DENND6B: variants seen among roughly 807,000 people sequenced by gnomAD.
DENND6B encodes protein DENND6B.
DENND6B carries 73 observed loss-of-function variants against 85.1 expected under a neutral mutation model. The ratio of observed to expected loss-of-function variants is 0.86; its 90% CI spans 0.71 to 1.04. The LOEUF (loss-of-function observed/expected upper bound fraction) is 1.04. Among genes scored for constraint, DENND6B ranks in the 50% least tolerant of loss-of-function variants. DENND6B has a pLI of 0.00. For missense variants in DENND6B, 715 were observed against 785.8 expected, an observed-to-expected ratio of 0.91 and a Z score of 1.08; for synonymous variants, 357 against 329.3, an observed-to-expected ratio of 1.08 and a Z score of -0.91.
chr22:50,315,589 C>G, intron 9 of DENND6B, 125 bp downstream of exon 9: 2 of 1,176,370 alleles, frequency 1.7e-6, no homozygotes, highest in East Asian at 5.2e-5. Flanking sequence ...CACACGTGCA[C>G]ACGTGCACTC....
chr22:50,316,730 C>G (rs761246322), intron 5 of DENND6B: 1 of 1,420,316 alleles, frequency 7.0e-7, no homozygotes, highest in South Asian at 1.2e-5. Context: ...GGGAAACGCA[C>G]GGTGGCCAGA....
Position 50,314,194 on chromosome 22 carries a change from G to A in DENND6B, c.1138+13C>T. 2.5e-6 allele frequency: 4 copies of A among 1,598,314 alleles called. No individual in the cohort carries two copies. Among genetic ancestry groups the A allele is most frequent in the Non-Finnish European group, 3.4e-6 (4 of 1,175,312 alleles). ...CCACGGTGGAGGGGCTCCAGGTCGA[G>A]GGGAGCACAGACCTGGCTTGGTGTC... On this transcript the variant is annotated intron_variant, in intron 13 of 19. Coordinates refer to ENST00000413817, the MANE Select transcript of DENND6B (RefSeq NM_001001794.4).
chr22:50,326,724 G>A, intron 1 of DENND6B, 88 bp downstream of exon 1: 1 of 1,180,688 alleles, frequency 8.5e-7, no homozygotes, highest in Non-Finnish European at 1.1e-6. Flanking sequence ...GAGAGTGCGG[G>A]GCGGCCGAGG....
In DENND6B at chr22:50,315,650, G is replaced by A. The variant is rs114019182; in HGVS notation, c.758+64C>T. The A allele has an allele frequency of 6.8e-4, 1,034 of 1,513,850 alleles. 6 individuals carry two copies. The African/African-American group carries it at 0.01, about 15-fold the overall frequency. 93.8% of individuals were successfully genotyped at this position (1,513,850 alleles called of 1,614,324 possible). The stretch of plus-strand genomic sequence containing the variant: ...CTCACACACAGATGCACACATGCAC[G>A]TACATGCACGTGCACACACAGTGAG... On this transcript the variant is annotated intron_variant, in intron 9 of 19. Transcript: ENST00000413817.
chr22:50,317,242 C>G, intron 5 of DENND6B, 51 bp downstream of exon 5: 2 of 1,602,418 alleles, frequency 1.2e-6, no homozygotes, highest in Non-Finnish European at 1.7e-6. Context: ...CTGCTGCCTG[C>G]CAGCTCCTGC....
intron 1 of DENND6B, among the ~76,000 whole-genome samples, chr22:50,323,576 G>A (rs1601837967): frequency 6.6e-6 from 1 of 151,700 alleles, no homozygotes; most frequent in African/African-American, 2.4e-5. Context: ...ATGAAACACT[G>A]TGCCCGGCCT....
intron 1 of DENND6B, chr22:50,319,239 C>T: frequency 2.1e-6 from 3 of 1,457,286 alleles, no homozygotes; most frequent in East Asian, 5.1e-5. Context: ...ACACCACCTT[C>T]TCTGGCTGTG....
intron 15 of DENND6B, 39 bp from the exon 16 acceptor site, chr22:50,313,538 T>A: frequency 6.5e-7 from 1 of 1,526,740 alleles, no homozygotes. Context: ...CGGGGACCCA[T>A]GCCCCCCAGC....
intron 4 of DENND6B, 140 bp from the exon 5 acceptor site, chr22:50,317,513 G>A (rs950333847): frequency 4.9e-5 from 47 of 949,806 alleles, no homozygotes; most frequent in Admixed American, 6.1e-5. Flanking sequence ...GCTGCTGTCC[G>A]TGCACTCTGG....
At chr22:50,314,015 C>T (rs2041691675) in intron 13 of DENND6B, 137 bp from the exon 14 acceptor site, 2 of 1,315,088 alleles carry the variant, frequency 1.5e-6, no homozygotes, top group Non-Finnish European at 2.0e-6. Context: ...AAATCTCACC[C>T]ACCCACCCCC....
chr22:50,325,599 T>A (rs1292871116), intron 1 of DENND6B, among the ~76,000 whole-genome samples: 1 of 152,124 alleles, frequency 6.6e-6, no homozygotes, highest in Non-Finnish European at 1.5e-5. Flanking sequence ...CCTCTCAAAG[T>A]GCTGGGATTA....
chr22:50,316,401 G>T lies in DENND6B; in HGVS notation c.528C>A (p.Tyr176Ter). The change falls in exon 6 of 20, where the codon TAC (tyrosine) becomes TAA (stop). Residue 176 changes from tyrosine (Y) to a stop codon, truncating the protein, a stop_gained. Transcript: ENST00000413817. LOFTEE classifies it high-confidence loss of function. Reference protein sequence around the residue: ...QALLSLIAPEYFDKLAPCLEA... With the variant: ...QALLSLIAPE ...CCAGGCAGGGCGCCAGCTTGTCAAA[G>T]TACTCGGGGGCGATGAGGCTTAGCA... is the stretch of plus-strand genomic sequence containing the variant. 1 of 1,584,576 alleles carries T rather than the reference G, an allele frequency of 6.3e-7. No homozygotes were observed.
intron 4 of DENND6B, 135 bp from the exon 5 acceptor site, chr22:50,317,508 T>C: frequency 9.9e-7 from 1 of 1,006,488 alleles, no homozygotes; most frequent in South Asian, 1.4e-5. Context: ...CTGGAGCTGC[T>C]GTCCGTGCAC....
In DENND6B at chr22:50,318,982, G is replaced by A. The variant is rs570566670; in HGVS notation, c.199C>T (p.Arg67Trp). 49 of 1,604,150 alleles carry A rather than the reference G, an allele frequency of 3.1e-5. No homozygotes were observed. In the Middle Eastern group the frequency reaches 8.3e-4, roughly 27 times the overall value. The change falls in exon 2 of 20, where the codon CGG becomes TGG. Residue 67 changes from arginine to tryptophan, a missense_variant. Coordinates refer to ENST00000413817, the MANE Select transcript of DENND6B (RefSeq NM_001001794.4). ...GGACTCACCTCCTTGTCTGTGAGCC[G>A]GAAGTCGTTCGGATACACCAGCTGC... ...ALELVYPNDF[R>W]LTDKEKSSIC... is the part of the protein sequence containing the mutation.
In DENND6B at chr22:50,310,228, C is replaced by G. The variant is rs2068041711; in HGVS notation, c.*1911G>C. 6.6e-6 allele frequency: 1 copy of G among 152,372 alleles called. No individual in the cohort carries two copies. Among genetic ancestry groups the G allele is most frequent in the Non-Finnish European group, 1.5e-5 (1 of 68,134 alleles). The allele number at this position is 152,372 out of a possible 1,614,324, so 9.4% of individuals were successfully genotyped here. On this transcript the variant is annotated 3_prime_UTR_variant, in exon 20 of 20. Coordinates refer to ENST00000413817, the MANE Select transcript of DENND6B (RefSeq NM_001001794.4). Reference sequence around the variant, plus strand: ...CTGCATTTGGGGCCAGGACCTTTCTCACCCTCGGGTCCCCGGCTTGTCCCT... The same window carrying G: ...CTGCATTTGGGGCCAGGACCTTTCTGACCCTCGGGTCCCCGGCTTGTCCCT...
rs1385051173 is a variant in DENND6B, at chr22:50,315,708, G to T, written c.758+6C>A. On this transcript the variant is annotated splice_donor_region_variant and intron_variant, in intron 9 of 19. Transcript: ENST00000413817. ...AAAGCAGTGTGCAGAACCCTAGGGG[G>T]CTCACCTGAACAGGTCCAGCTCGTG... 5 of 1,567,816 alleles carry T rather than the reference G, an allele frequency of 3.2e-6. No individual in the cohort carries two copies. Among genetic ancestry groups the T allele is most frequent in the Non-Finnish European group, 4.3e-6 (5 of 1,158,012 alleles).
Position 50,309,472 on chromosome 22 carries a change from C to G in DENND6B, c.*2667G>C, listed in dbSNP as rs118020266. ...AGCGGCCCTGACACTGGGGGGGCCA[C>G]AAGAGGCATCCGGACAGATGGAGCT... On this transcript the variant is annotated 3_prime_UTR_variant, in exon 20 of 20. Transcript: ENST00000413817. 0.017 allele frequency: 2,609 copies of G among 152,634 alleles called. 56 individuals are homozygous for G. Among genetic ancestry groups the G allele is most frequent in the East Asian group, 0.097 (501 of 5,186 alleles). The allele number at this position is 152,634 out of a possible 1,614,324, so 9.5% of individuals were successfully genotyped here.
intron 1 of DENND6B, among the ~76,000 whole-genome samples, chr22:50,320,321 C>A (rs780229911): frequency 3.9e-5 from 6 of 152,236 alleles, no homozygotes; most frequent in African/African-American, 1.4e-4. Context: ...TAGGCTCAAG[C>A]GATCCTCCCG....
chr22:50,318,041 C>A, intron 3 of DENND6B, 21 bp from the exon 4 acceptor site: 1 of 1,610,588 alleles, frequency 6.2e-7, no homozygotes, highest in Non-Finnish European at 8.5e-7. Flanking sequence ...GCAGCCCCAC[C>A]ACACGGGTCA....
Sources: allele counts gnomAD v4.1 joint callset (sites outside exome capture counted in the v4.1 genomes callset), GRCh38; gene constraint gnomAD v4.1.1; transcripts MANE v1.5; gene names NCBI Gene and HGNC (gene_info 2026-07-23, HGNC 2026-07-21).